Variants in MED23 observed in about 807,000 individuals in gnomAD.
MED23 encodes mediator of RNA polymerase II transcription subunit 23.
A neutral mutation model predicts 163.9 loss-of-function variants in MED23; 105 were observed. The observed-to-expected ratio is 0.64, with a 90% CI of 0.55 to 0.75. The LOEUF is 0.75. Ranked by LOEUF, MED23 falls within the 30% of genes least tolerant of loss-of-function variation. The pLI, the probability that MED23 is intolerant of heterozygous loss-of-function variation, is 0.00. For synonymous variants in MED23, 561 were observed against 565.6 expected (o/e 0.99, Z 0.12); for missense variants, 1,054 against 1,649.0 (o/e 0.64, Z 6.25).
At chr6:131,574,009 G>A (rs1219227750) in exon 31 of MED23, 1 of 483,670 alleles carries the variant, frequency 2.1e-6, no homozygotes, top group Non-Finnish European at 3.8e-6. Flanking sequence ...GAAACCCCCA[G>A]ATTTCCTTAC....
downstream of MED23, chr6:131,583,392 G>A (rs104893948): frequency 5.6e-6 from 9 of 1,613,968 alleles, no homozygotes; most frequent in Admixed American, 6.7e-5. Context: ...TGATGTTGAC[G>A]GACTGGACCC....
chr6:131,589,456 T>C lies in MED23; in HGVS notation c.3939+9A>G. 6.2e-7 allele frequency: 1 copy of C among 1,610,076 alleles called. No homozygotes were observed. The highest frequency in any genetic ancestry group is 8.5e-7 in the Non-Finnish European group (1 of 1,177,598). Reference sequence around the variant, plus strand: ...CATCATTAAAAATAATTAAACAAATTCAACTTACTTGCTCTTTCACGCTGT... The same window carrying C: ...CATCATTAAAAATAATTAAACAAATCCAACTTACTTGCTCTTTCACGCTGT... On this transcript the variant is annotated intron_variant, in intron 28 of 28. Coordinates refer to ENST00000368068, the MANE Select transcript of MED23 (RefSeq NM_004830.4).
rs1775694693 is a variant in MED23 at position 131,604,275 on chromosome 6, T to G, written c.1659A>C (p.Ala553=). ...CTGGAGCCAAGGCCACACTGGACTT[T>G]GCATGAGCAAGTTTTATCACCCTGG... is the stretch of plus-strand genomic sequence containing the variant. ...IATRVIKLAH[A]KSSVALAPAL... The change falls in exon 15 of 29, where the codon GCA becomes GCC. Residue 553 remains alanine (A), a synonymous_variant. Transcript: ENST00000368068. The G allele has an allele frequency of 5.6e-6, 9 of 1,613,794 alleles. No homozygotes were observed. Among genetic ancestry groups the G allele is most frequent in the Non-Finnish European group, 7.6e-6 (9 of 1,179,844 alleles).
chr6:131,579,876 GAC>G (rs1026378251), intron 30 of MED23, among the ~76,000 whole-genome samples: 10 of 151,820 alleles, frequency 6.6e-5, no homozygotes, highest in African/African-American at 2.4e-4. Context: ...GAGAGAGAGA[GAC>G]AGATGTCTAT....
At chr6:131,606,743 A>G in intron 12 of MED23, 119 bp from the exon 13 acceptor site, 1 of 893,564 alleles carries the variant, frequency 1.1e-6, no homozygotes, top group South Asian at 1.6e-5. Flanking sequence ...GTCTTACTTT[A>G]GCCCCGATAA....
At chr6:131,594,430 T>G (rs1774889101) in intron 22 of MED23, 95 bp from the exon 23 acceptor site, 11 of 950,438 alleles carry the variant, frequency 1.2e-5, no homozygotes, top group Non-Finnish European at 1.7e-5. Context: ...GAAAAACAGC[T>G]CAGAAGATTT....
At chr6:131,620,506 C>T (rs925296535) in intron 7 of MED23, 122 bp downstream of exon 7, 3 of 709,352 alleles carry the variant, frequency 4.2e-6, no homozygotes, top group Non-Finnish European at 7.7e-6. Context: ...TGTTATGTTA[C>T]CCAGGTTGGG....
At chr6:131,627,114 G>A (rs1298836345) in intron 3 of MED23, 3 of 350,612 alleles carry the variant, frequency 8.6e-6, no homozygotes, top group Non-Finnish European at 1.5e-5. Context: ...AAATAAATCC[G>A]AATAGGATGA....
chr6:131,589,431 C>T (rs1774424478), intron 28 of MED23, 34 bp downstream of exon 28: 1 of 1,578,750 alleles, frequency 6.3e-7, no homozygotes, highest in Admixed American at 1.7e-5. Context: ...CTAAATTAAA[C>T]ATCATTAAAA....
At chr6:131,592,724 T>C in intron 24 of MED23, 1 of 598,800 alleles carries the variant, frequency 1.7e-6, no homozygotes, top group East Asian at 2.8e-5. Flanking sequence ...GAAAACAAGA[T>C]GAAGAGAATC....
In MED23 at chr6:131,596,171, A is replaced by G. The variant is rs1406192942; in HGVS notation, c.2779-8T>C. 6.2e-7 allele frequency: 1 copy of G among 1,610,782 alleles called. No homozygotes were observed. The highest frequency in any genetic ancestry group is 8.5e-7 in the Non-Finnish European group (1 of 1,177,004). Reference sequence around the variant, plus strand: ...CAACTTCTCTGGATATTTCTGTGGAATTGAGAAGATGATAAATGGTTAGAG... The same window carrying G: ...CAACTTCTCTGGATATTTCTGTGGAGTTGAGAAGATGATAAATGGTTAGAG... On this transcript the variant is annotated splice_region_variant and splice_polypyrimidine_tract_variant and intron_variant, in intron 21 of 28. Coordinates refer to ENST00000368068, the MANE Select transcript of MED23 (RefSeq NM_004830.4).
At position 131,581,243 on chromosome 6, in the gene MED23, C is replaced by A; in HGVS notation, c.4095+6466G>T. On this transcript the variant is annotated intron_variant, in intron 30 of 30. Transcript: ENST00000354577. ...GTTTGGCAATTGGAAGCATCTCTGG[C>A]CATGCCAGGGTCCACCCTGATCTTG... is the stretch of plus-strand genomic sequence containing the variant. 1 of 1,613,840 alleles carries A rather than the reference C, an allele frequency of 6.2e-7. No individual in the cohort carries two copies. Among genetic ancestry groups the A allele is most frequent in the East Asian group, 2.2e-5 (1 of 44,876 alleles).
chr6:131,587,336 TA>T lies in MED23; in HGVS notation c.*342del. The T allele has an allele frequency of 1.8e-6, 2 of 1,116,552 alleles. No individual in the cohort carries two copies. Among genetic ancestry groups the T allele is most frequent in the East Asian group, 6.0e-5 (1 of 16,706 alleles). The allele number at this position is 1,116,552 out of a possible 1,614,324, so 69.2% of individuals were successfully genotyped here. A position where few individuals can be genotyped will look rare whatever the true frequency, so the allele number is the denominator to read the frequency against. ...TGAAGACTAAATATGTCATTAATAA[TA>T]AAAAATACAAACAAAAACAACGGCT... On this transcript the variant is annotated 3_prime_UTR_variant, in exon 29 of 29. Transcript: ENST00000368068.
intron 6 of MED23, among the ~76,000 whole-genome samples, chr6:131,621,041 A>G (rs753250323): frequency 6.6e-6 from 1 of 152,090 alleles, no homozygotes; most frequent in Non-Finnish European, 1.5e-5. Flanking sequence ...GGCTTAAATG[A>G]GCCTCCCGCC....
At position 131,628,063 on chromosome 6, in the gene MED23, C is replaced by T; in HGVS notation, c.-14G>A. ...TTGCGTCTCCATCTGTACTATCACC[C>T]CCGCCTTTCCAGGGTGCCCGGCAAG... On this transcript the variant is annotated 5_prime_UTR_variant, in exon 1 of 29. Coordinates refer to ENST00000368068, the MANE Select transcript of MED23 (RefSeq NM_004830.4). The T allele has an allele frequency of 6.2e-7, 1 of 1,613,980 alleles. No individual in the cohort carries two copies. The highest frequency in any genetic ancestry group is 8.5e-7 in the Non-Finnish European group (1 of 1,180,042).
At position 131,604,292 on chromosome 6, in the gene MED23, T is replaced by G; in HGVS notation, c.1642A>C (p.Ile548Leu). ...CTGGACTTTGCATGAGCAAGTTTTA[T>G]CACCCTGGTTGCAATGCTGTGAATA... Reference protein sequence around the residue: ...SLIHSIATRVIKLAHAKSSVA... With the variant: ...SLIHSIATRVLKLAHAKSSVA... Residue 548 changes from isoleucine (I) to leucine (L), a missense_variant, in exon 15 of 29, where the codon ATA (isoleucine) becomes CTA (leucine). Coordinates refer to ENST00000368068, the MANE Select transcript of MED23 (RefSeq NM_004830.4). The G allele has an allele frequency of 6.2e-7, 1 of 1,613,818 alleles. No individual in the cohort carries two copies. The highest frequency in any genetic ancestry group is 1.7e-5 in the Admixed American group (1 of 59,978).
intron 10 of MED23, among the ~76,000 whole-genome samples, chr6:131,611,072 T>C (rs1278008790): frequency 6.6e-6 from 1 of 152,222 alleles, no homozygotes; most frequent in African/African-American, 2.4e-5. Flanking sequence ...GCCATTTTCA[T>C]ATTTCCTTTA....
At position 131,615,580 on chromosome 6, in the gene MED23, T is replaced by C. The variant is rs1296006911; in HGVS notation, c.876+327A>G. The C allele has an allele frequency of 1.2e-5, 4 of 331,670 alleles. No homozygotes were observed. The South Asian group carries it at 1.9e-4, about 16-fold the overall frequency. 20.5% of individuals were successfully genotyped at this position (331,670 alleles called of 1,614,324 possible). A position where few individuals can be genotyped will look rare whatever the true frequency, so the allele number is the denominator to read the frequency against. ...GAAGATACCAAGGGTTATATAAAAATAGACACCCAAACAACAAAAAAAGTC... is the reference window on the plus strand; with the variant it reads ...GAAGATACCAAGGGTTATATAAAAACAGACACCCAAACAACAAAAAAAGTC... On this transcript the variant is annotated intron_variant, in intron 10 of 28. Coordinates refer to ENST00000368068, the MANE Select transcript of MED23 (RefSeq NM_004830.4).
chr6:131,627,773 C>T (rs915867363), intron 1 of MED23, 101 bp from the exon 2 acceptor site: 2 of 1,195,292 alleles, frequency 1.7e-6, no homozygotes, highest in East Asian at 4.8e-5. Flanking sequence ...TCACCTTAAT[C>T]AGCTCTGAAA....
Sources: gnomAD v4.1 joint callset for allele counts (sites outside exome capture counted in the v4.1 genomes callset) on GRCh38, gnomAD v4.1.1 for gene constraint, MANE v1.5 for transcripts, NCBI Gene and HGNC (gene_info 2026-07-23, HGNC 2026-07-21) for gene names.